The following MAP3K5 variants were observed in gnomAD, a reference collection of about 807,000 sequenced individuals.
MAP3K5 encodes ASK-1.
In MAP3K5, 56 loss-of-function variants were observed where a neutral mutation model predicts 158.7. The observed-to-expected ratio is 0.35, with a 90% CI of 0.28 to 0.44. MAP3K5 has a LOEUF of 0.44. Among genes scored for constraint, MAP3K5 ranks in the 20% least tolerant of loss-of-function variants. The probability of loss-of-function intolerance (pLI) is 1.00; values close to 1 mark genes in which losing one functional copy is unlikely to be tolerated. For missense variants in MAP3K5, 1,294 were observed against 1,674.8 expected (o/e 0.77, Z 3.97); for synonymous variants, 579 against 601.7 (o/e 0.96, Z 0.55).
chr6:136,792,030 TCCTCGC>T lies in MAP3K5; in HGVS notation c.122_127del (p.Gly41_Glu42del), dbSNP rs1785101149. On this transcript the variant is annotated inframe_deletion, in exon 1 of 30. Coordinates refer to ENST00000359015, the MANE Select transcript of MAP3K5 (RefSeq NM_005923.4). This position sits in a 1 kb window ranked among gnomAD's most constrained non-coding sequence, Gnocchi z 5.7. The stretch of plus-strand genomic sequence containing the variant: ...CGGCGGCGGCGGTGGCAGCTGGTGC[TCCTCGC>T]CCTCGCCCACCGCCGCCGCTCCTCC... The T allele has an allele frequency of 6.4e-7, 1 of 1,558,870 alleles. No individual in the cohort carries two copies. The highest frequency in any genetic ancestry group is 1.4e-5 in the African/African-American group (1 of 72,332).
chr6:136,759,288 A>C (rs1038412573), intron 1 of MAP3K5, among the ~76,000 whole-genome samples: 5 of 151,924 alleles, frequency 3.3e-5, no homozygotes, highest in African/African-American at 1.2e-4. Context: ...AGGCTGAACA[A>C]TACAGGCAAA....
chr6:136,615,154 G>T (rs1776509015), intron 15 of MAP3K5, among the ~76,000 whole-genome samples: 1 of 152,172 alleles, frequency 6.6e-6, no homozygotes, highest in Non-Finnish European at 1.5e-5. Flanking sequence ...GCTTGCCAAA[G>T]AACATAATTT....
chr6:136,752,777 G>A (rs1249187035), intron 1 of MAP3K5, among the ~76,000 whole-genome samples: 3 of 152,208 alleles, frequency 2.0e-5, no homozygotes, highest in Non-Finnish European at 4.4e-5. Context: ...GATAAAGGCA[G>A]TTATGCAAAA....
intron 14 of MAP3K5, among the ~76,000 whole-genome samples, chr6:136,632,406 A>T (rs1777412320): frequency 6.6e-6 from 1 of 152,150 alleles, no homozygotes; most frequent in African/African-American, 2.4e-5. Context: ...AGTCCCAGCT[A>T]CTTAGGAGGC....
intron 1 of MAP3K5, among the ~76,000 whole-genome samples, chr6:136,747,542 A>T (rs1783015125): frequency 6.6e-6 from 1 of 152,260 alleles, no homozygotes; most frequent in South Asian, 2.1e-4. Context: ...AAGGCTGAGA[A>T]GCCTGGTGCA....
chr6:136,679,514 G>T (rs1379289886), intron 7 of MAP3K5, among the ~76,000 whole-genome samples: 1 of 152,192 alleles, frequency 6.6e-6, no homozygotes, highest in African/African-American at 2.4e-5. Flanking sequence ...AGCATGTGAA[G>T]AAACTAATGC....
chr6:136,626,182 C>T (rs1221373166), intron 14 of MAP3K5, among the ~76,000 whole-genome samples: 1 of 152,158 alleles, frequency 6.6e-6, no homozygotes, highest in Non-Finnish European at 1.5e-5. Context: ...TTATTTGTTT[C>T]CAACAGGTTT....
chr6:136,776,694 T>A (rs768432610), intron 1 of MAP3K5, among the ~76,000 whole-genome samples: 9 of 152,240 alleles, frequency 5.9e-5, no homozygotes, highest in Non-Finnish European at 8.8e-5. Context: ...TGGAGTTGTC[T>A]CCCTTTTGCC....
intron 7 of MAP3K5, among the ~76,000 whole-genome samples, chr6:136,671,094 C>T (rs892382372): frequency 5.3e-4 from 81 of 152,238 alleles, no homozygotes; most frequent in Admixed American, 5.2e-3. Flanking sequence ...TAGACACTTC[C>T]CTTTCTACCA....
chr6:136,765,281 T>C (rs1783915195), intron 1 of MAP3K5, among the ~76,000 whole-genome samples: 1 of 152,146 alleles, frequency 6.6e-6, no homozygotes, highest in East Asian at 1.9e-4. Context: ...TCAATAAGCC[T>C]ATACTTATAA....
chr6:136,741,969 T>C (rs945240711), intron 1 of MAP3K5, among the ~76,000 whole-genome samples: 3 of 152,128 alleles, frequency 2.0e-5, no homozygotes, highest in African/African-American at 4.8e-5. Flanking sequence ...AGGAAATCTA[T>C]AAAACCCTAA....
chr6:136,756,558 C>G (rs1033912387), intron 1 of MAP3K5, among the ~76,000 whole-genome samples: 1 of 152,110 alleles, frequency 6.6e-6, no homozygotes, highest in Non-Finnish European at 1.5e-5. Context: ...CTCCGCCTCC[C>G]GGAAGGGTAT....
intron 26 of MAP3K5, among the ~76,000 whole-genome samples, chr6:136,563,135 C>G (rs1050105953): frequency 6.6e-6 from 1 of 152,084 alleles, no homozygotes; most frequent in African/African-American, 2.4e-5. Context: ...TTCACAGACC[C>G]TCAGGTCCAG....
chr6:136,642,522 C>T lies in MAP3K5; in HGVS notation c.1836G>A (p.Val612=), dbSNP rs1459395169. 1 of 1,607,780 alleles carries T rather than the reference C, an allele frequency of 6.2e-7. No homozygotes were observed. Among genetic ancestry groups the T allele is most frequent in the Non-Finnish European group, 8.5e-7 (1 of 1,174,660 alleles). The change falls in exon 12 of 30, where the codon GTG becomes GTA. Residue 612 remains valine, a splice_region_variant and synonymous_variant. Transcript: ENST00000359015. The stretch of plus-strand genomic sequence containing the variant: ...CAAAATGTACCAAGGAAACTTACCT[C>T]ACTCCCCTGACAGAAGAGGCACTAA... ...WNFSASSVRG[V]SISKFEERCC... is the part of the protein sequence containing the mutation.
At position 136,557,674 on chromosome 6, in the gene MAP3K5, T is replaced by A; in HGVS notation, c.*84A>T. 1 of 926,124 alleles carries A rather than the reference T, an allele frequency of 1.1e-6. No homozygotes were observed. Among genetic ancestry groups the A allele is most frequent in the Non-Finnish European group, 1.8e-6 (1 of 562,334 alleles). 57.4% of individuals were successfully genotyped at this position (926,124 alleles called of 1,614,324 possible). A position where few individuals can be genotyped will look rare whatever the true frequency, so the allele number is the denominator to read the frequency against. On this transcript the variant is annotated 3_prime_UTR_variant, in exon 30 of 30. Transcript: ENST00000359015. ...GATTTAAAGTGCAGCGCCTTTCTCC[T>A]CTCCCTTCGATTTTCCCACCCCCAA...
In MAP3K5 at chr6:136,583,782, G is replaced by A. The variant is rs1320888057; in HGVS notation, c.3226-42C>T. On this transcript the variant is annotated intron_variant, in intron 23 of 29. Transcript: ENST00000359015. ...ACAATCCTTACATCAACATATGCTGGATATACCTGCCATGGTAATCCTATC... is the reference window on the plus strand; with the variant it reads ...ACAATCCTTACATCAACATATGCTGAATATACCTGCCATGGTAATCCTATC... 5 of 1,563,812 alleles carry A rather than the reference G, an allele frequency of 3.2e-6. No homozygotes were observed. In the South Asian group the frequency reaches 3.4e-5, roughly 11 times the overall value.
intron 14 of MAP3K5, among the ~76,000 whole-genome samples, chr6:136,630,600 G>C (rs540125332): frequency 6.6e-5 from 10 of 152,314 alleles, no homozygotes; most frequent in South Asian, 2.1e-4. Flanking sequence ...TCCTCTCCAG[G>C]AGGTTAATGA....
rs1312265960 is a variant in MAP3K5, at chr6:136,662,403, CTT to C, written c.1367-3027_1367-3026del. Among the ~76,000 whole-genome samples the C allele has an allele frequency of 2.0e-5, 3 of 152,190 alleles. No individual in the cohort carries two copies. In the East Asian group the frequency reaches 5.8e-4, roughly 29 times the overall value. ...TCTTTTGTGAATGAGCATTTATGCT[CTT>C]TGCACAAACTTGTTTCTACATGAAG... On this transcript the variant is annotated intron_variant, in intron 8 of 29. Transcript: ENST00000359015.
intron 5 of MAP3K5, 70 bp downstream of exon 5, chr6:136,697,149 T>C: frequency 2.2e-6 from 3 of 1,377,826 alleles, no homozygotes; most frequent in Non-Finnish European, 2.9e-6. Context: ...AAACTGAAAT[T>C]TGAGGTTAAT....
Sources: gnomAD v4.1 joint callset for allele counts (sites outside exome capture counted in the v4.1 genomes callset) on GRCh38, gnomAD v4.1.1 for gene constraint, Gnocchi (gnomAD v3.1) non-coding constraint, MANE v1.5 for transcripts, NCBI Gene and HGNC (gene_info 2026-07-23, HGNC 2026-07-21) for gene names.